The following ITGB7 variants were observed in gnomAD, a reference collection of about 807,000 sequenced individuals.
The protein encoded by ITGB7 is integrin subunit beta 7.
A neutral mutation model predicts 83.4 loss-of-function variants in ITGB7; 55 were observed. That is an observed-to-expected ratio of 0.66 (90% CI 0.53 to 0.83). The LOEUF is 0.83. ITGB7 is among the 40% of genes least tolerant of loss of function. The pLI, the probability that ITGB7 is intolerant of heterozygous loss-of-function variation, is 0.00. For synonymous variants in ITGB7, 454 were observed against 423.6 expected (o/e 1.07, Z -0.88); for missense variants, 921 against 1,046.7 (o/e 0.88, Z 1.66).
intron 8 of ITGB7, 33 bp from the exon 9 acceptor site, chr12:53,195,496 T>C: frequency 6.3e-7 from 1 of 1,582,662 alleles, no homozygotes; most frequent in Non-Finnish European, 8.7e-7. Context: ...AAATGGTGGG[T>C]CACAGCTCTA....
At chr12:53,206,229 CTCTCTGCTGCTTT>C (rs1197113157) in intron 1 of ITGB7, among the ~76,000 whole-genome samples, 2 of 152,164 alleles carry the variant, frequency 1.3e-5, no homozygotes, top group Non-Finnish European at 2.9e-5. Context: ...TCTATTGCAT[CTCTCTGCTGCTTT>C]TCTCTGCTCC....
Position 53,193,770 on chromosome 12 carries a change from G to A in ITGB7, c.1440C>T (p.Asp480=). ...TGCAGTGGGGAGCCTGGGGCTGGGT[G>A]TCACTGCAATTACAGTCACACAGCG... ...LHTLCDCNCS[D]TQPQAPHCSD... Residue 480 remains aspartate, a synonymous_variant, in exon 11 of 16, where the codon GAC becomes GAT. Transcript: ENST00000267082. 2 of 1,614,076 alleles carry A rather than the reference G, an allele frequency of 1.2e-6. No individual in the cohort carries two copies. The highest frequency in any genetic ancestry group is 1.7e-6 in the Non-Finnish European group (2 of 1,180,002).
rs370057719 is a variant in ITGB7, at chr12:53,196,624, C to T, written c.771G>A (p.Ser257=). The T allele has an allele frequency of 7.4e-6, 12 of 1,613,368 alleles. No homozygotes were observed. Among genetic ancestry groups the T allele is most frequent in the East Asian group, 6.7e-5 (3 of 44,888 alleles). The change falls in exon 6 of 16, where the codon TCG becomes TCA. Residue 257 remains serine, a synonymous_variant. Coordinates refer to ENST00000267082, the MANE Select transcript of ITGB7 (RefSeq NM_000889.3). ...GAATGGCATCGAAGCCACCTTCAGG[C>T]GAGTCCAGATTGCCGGACACACTCT... ...GRQSVSGNLD[S]PEGGFDAILQ... is the part of the protein sequence containing the mutation.
intron 4 of ITGB7, 35 bp from the exon 5 acceptor site, chr12:53,197,698 C>G (rs774963823): frequency 1.2e-4 from 198 of 1,605,268 alleles, no homozygotes; most frequent in Non-Finnish European, 1.6e-4. Flanking sequence ...CAGCAGAGCG[C>G]ATTGGAACGC....
At chr12:53,198,244 C>T (rs1942233975) in intron 3 of ITGB7, among the ~76,000 whole-genome samples, 1 of 152,176 alleles carries the variant, frequency 6.6e-6, no homozygotes, top group African/African-American at 2.4e-5. Context: ...ATTCTCGTAC[C>T]TCAGCCTCCC....
intron 1 of ITGB7, among the ~76,000 whole-genome samples, chr12:53,204,209 A>G (rs1025360556): frequency 8.6e-5 from 13 of 152,046 alleles, no homozygotes; most frequent in Admixed American, 2.6e-4. Flanking sequence ...GTGAAACCCC[A>G]TATCTACTAA....
chr12:53,200,423 G>T lies in ITGB7; in HGVS notation c.21C>A (p.Val7=). 1.2e-6 allele frequency: 2 copies of T among 1,614,136 alleles called. No individual in the cohort carries two copies. The highest frequency in any genetic ancestry group is 1.7e-6 in the Non-Finnish European group (2 of 1,180,020). ...TGCTCAGGACCAGCAGCAAAACAAGGACCATTGGCAAAGCCACCATGCCCT... is the reference window on the plus strand; with the variant it reads ...TGCTCAGGACCAGCAGCAAAACAAGTACCATTGGCAAAGCCACCATGCCCT... MVALPM[V]LVLLLVLSRG... Residue 7 remains valine (V), a synonymous_variant, in exon 3 of 16, where the codon GTC becomes GTA. Coordinates refer to ENST00000267082, the MANE Select transcript of ITGB7 (RefSeq NM_000889.3).
chr12:53,207,219 T>C lies in ITGB7; in HGVS notation c.-144A>G, dbSNP rs961928900. On this transcript the variant is annotated 5_prime_UTR_variant, in exon 1 of 16. Transcript: ENST00000267082. ...GTACTCACAGGTGCGTGCAGAGCAG[T>C]CCTTCCTCTGGCGGCAGCAGCAGCC... The C allele has an allele frequency of 5.2e-5, 8 of 152,672 alleles. No individual in the cohort carries two copies. The highest frequency in any genetic ancestry group is 1.9e-4 in the African/African-American group (8 of 41,440). The allele number at this position is 152,672 out of a possible 1,614,324, so 9.5% of individuals were successfully genotyped here.
chr12:53,196,000 T>C (rs761303010), intron 7 of ITGB7, 41 bp downstream of exon 7: 1 of 1,605,064 alleles, frequency 6.2e-7, no homozygotes, highest in South Asian at 1.1e-5. Context: ...GAAAGAGGTG[T>C]GGCTGAAATG....
At chr12:53,196,964 A>G (rs1394157244) in intron 5 of ITGB7, 144 bp from the exon 6 acceptor site, 1 of 894,778 alleles carries the variant, frequency 1.1e-6, no homozygotes, top group East Asian at 2.6e-5. Flanking sequence ...GTAACTGGCA[A>G]GCAAAGCAGT....
At position 53,193,196 on chromosome 12, in the gene ITGB7, T is replaced by G. The variant is rs1322657177; in HGVS notation, c.1670A>C (p.His557Pro). 1.2e-6 allele frequency: 2 copies of G among 1,614,014 alleles called. No individual in the cohort carries two copies. Among genetic ancestry groups the G allele is most frequent in the African/African-American group, 2.7e-5 (2 of 74,906 alleles). ...RCSCSGQSSG[H>P]LCECDDASCE... ...GCTGGCATCGTCACACTCGCACAGA[T>G]GCCCAGAGCTCTGTCCACTGCAGCT... Residue 557 changes from histidine to proline, a missense_variant, in exon 12 of 16, where the codon CAT (histidine) becomes CCT (proline). Physicochemically the swap from His to Pro is moderately conservative, Grantham distance 77. Transcript: ENST00000267082.
chr12:53,197,371 C>T, intron 5 of ITGB7, 122 bp downstream of exon 5: 1 of 1,108,888 alleles, frequency 9.0e-7, no homozygotes, highest in Non-Finnish European at 1.4e-6. Flanking sequence ...TGTGGCCTGG[C>T]TAGGCCTGTC....
chr12:53,192,336 G>T lies in ITGB7; in HGVS notation c.2149C>A (p.Gln717Lys), dbSNP rs1269022662. 1.9e-6 allele frequency: 3 copies of T among 1,613,766 alleles called. No homozygotes were observed. The African/African-American group carries it at 4.0e-5, about 22-fold the overall frequency. The change falls in exon 14 of 16, where the codon CAA becomes AAA. Residue 717 changes from glutamine (Q) to lysine (K), a missense_variant. Transcript: ENST00000267082. ...RGTVVLRVRP[Q>K]EKGADHTQAI... ...GGCATCCCTGCCCACTTACTTTCTT[G>T]GGGTCTCACTCTGAGCACGACCGTG...
At chr12:53,192,240 G>T in intron 14 of ITGB7, 90 bp downstream of exon 14, 1 of 1,401,058 alleles carries the variant, frequency 7.1e-7, no homozygotes, top group Non-Finnish European at 1.0e-6. Context: ...TCAGCCCCCA[G>T]CCTGTTTCCC....
chr12:53,199,998 C>T (rs1942285524), intron 3 of ITGB7, among the ~76,000 whole-genome samples: 1 of 152,204 alleles, frequency 6.6e-6, no homozygotes, highest in African/African-American at 2.4e-5. Flanking sequence ...TCCATATATA[C>T]ACAAGCAAAT....
chr12:53,193,383 G>T lies in ITGB7; in HGVS notation c.1503-20C>A. On this transcript the variant is annotated intron_variant, in intron 11 of 15. Coordinates refer to ENST00000267082, the MANE Select transcript of ITGB7 (RefSeq NM_000889.3). ...GCACAGCTGGAAGGGGAAGGCAAAG[G>T]AGAGAAGTAGGTCAGAGGGTTTGAT... The T allele has an allele frequency of 6.5e-7, 1 of 1,528,826 alleles. No individual in the cohort carries two copies. The highest frequency in any genetic ancestry group is 1.2e-5 in the South Asian group (1 of 80,572). 94.7% of individuals were successfully genotyped at this position (1,528,826 alleles called of 1,614,324 possible).
In ITGB7 at chr12:53,193,261, G is replaced by A; in HGVS notation, c.1605C>T (p.Pro535=). Residue 535 remains proline, a synonymous_variant, in exon 12 of 16, where the codon CCC becomes CCT. Coordinates refer to ENST00000267082, the MANE Select transcript of ITGB7 (RefSeq NM_000889.3). ...SGCRAPNGTG[P]LCSGKGHCQC... Reference sequence around the variant, plus strand: ...GACAGTGACCCTTTCCACTGCACAGGGGCCCTGTGCCATTGGGAGCCCGGC... The same window carrying A: ...GACAGTGACCCTTTCCACTGCACAGAGGCCCTGTGCCATTGGGAGCCCGGC... 1 of 1,614,074 alleles carries A rather than the reference G, an allele frequency of 6.2e-7. No homozygotes were observed. The highest frequency in any genetic ancestry group is 8.5e-7 in the Non-Finnish European group (1 of 1,179,940).
chr12:53,193,107 A>G lies in ITGB7; in HGVS notation c.1726+33T>C, dbSNP rs1296025417. On this transcript the variant is annotated intron_variant, in intron 12 of 15. Transcript: ENST00000267082. Reference sequence around the variant, plus strand: ...CCTAAGTGCCTTGGGAAGGCCTCTCAGACCCCGCCCTTCTCCCCAAGGCTC... The same window carrying G: ...CCTAAGTGCCTTGGGAAGGCCTCTCGGACCCCGCCCTTCTCCCCAAGGCTC... 3.2e-6 allele frequency: 5 copies of G among 1,571,288 alleles called. No individual in the cohort carries two copies. The Admixed American group carries it at 8.6e-5, about 27-fold the overall frequency.
intron 1 of ITGB7, among the ~76,000 whole-genome samples, chr12:53,205,086 A>G (rs1942408662): frequency 6.6e-6 from 1 of 152,018 alleles, no homozygotes. Flanking sequence ...CGGCCTCCCA[A>G]AGTGCTGGAA....
Sources: gnomAD v4.1 joint callset for allele counts (sites outside exome capture counted in the v4.1 genomes callset) on GRCh38, gnomAD v4.1.1 for gene constraint, MANE v1.5 for transcripts, NCBI Gene and HGNC (gene_info 2026-07-23, HGNC 2026-07-21) for gene names.